Variants in GRM7 observed in about 807,000 individuals in gnomAD.
GRM7 encodes glutamate metabotropic receptor 7.
A neutral mutation model predicts 84.5 loss-of-function variants in GRM7; 35 were observed. The observed-to-expected ratio is 0.41, with a 90% CI of 0.32 to 0.55. GRM7 has a LOEUF of 0.55. Ranked by LOEUF, GRM7 falls within the 20% of genes least tolerant of loss-of-function variation. The probability of loss-of-function intolerance (pLI) is 0.19; values close to 1 mark genes in which losing one functional copy is unlikely to be tolerated. For synonymous variants in GRM7, 487 were observed against 455.1 expected (o/e 1.07, Z -0.89); for missense variants, 1,003 against 1,194.6 (o/e 0.84, Z 2.36).
chr3:7,108,493 ATTTT>A (rs35770215), intron 1 of GRM7, among the ~76,000 whole-genome samples: 1 of 139,970 alleles, frequency 7.1e-6, no homozygotes, highest in African/African-American at 2.6e-5. Context: ...GGACTCAACC[ATTTT>A]TTTTTTTTTT....
chr3:7,058,866 G>A (rs1388108594), intron 1 of GRM7, among the ~76,000 whole-genome samples: 1 of 151,828 alleles, frequency 6.6e-6, no homozygotes, highest in African/African-American at 2.4e-5. Flanking sequence ...GGAGAACAAA[G>A]GAAGGAGGAA....
At chr3:7,614,725 A>T (rs561890414) in intron 8 of GRM7, among the ~76,000 whole-genome samples, 1 of 152,184 alleles carries the variant, frequency 6.6e-6, no homozygotes, top group East Asian at 1.9e-4. Flanking sequence ...ATATACAGGC[A>T]TTCTTGAGTT....
chr3:7,248,165 T>C (rs972276643), intron 2 of GRM7, among the ~76,000 whole-genome samples: 1 of 152,192 alleles, frequency 6.6e-6, no homozygotes, highest in Non-Finnish European at 1.5e-5. Flanking sequence ...AGACTTATAC[T>C]CAATGCTTAT....
intron 1 of GRM7, among the ~76,000 whole-genome samples, chr3:7,105,082 T>C (rs61030022): frequency 0.027 from 4,173 of 151,942 alleles, 191 homozygotes; most frequent in African/African-American, 0.096. Context: ...CCAGTAAATA[T>C]TTACATGTTT....
chr3:7,090,155 T>G (rs1002283748), intron 1 of GRM7, among the ~76,000 whole-genome samples: 13 of 152,092 alleles, frequency 8.5e-5, no homozygotes, highest in Non-Finnish European at 1.9e-4. Context: ...AAATTAATAT[T>G]GAATTAAAAA....
At chr3:7,678,189 A>T (rs962818053) in intron 8 of GRM7, among the ~76,000 whole-genome samples, 5 of 152,194 alleles carry the variant, frequency 3.3e-5, no homozygotes, top group African/African-American at 1.2e-4. Context: ...CCATGTAATA[A>T]ACCTGCACAT....
At chr3:7,338,501 TA>T (rs1701512589) in intron 4 of GRM7, among the ~76,000 whole-genome samples, 2 of 151,902 alleles carry the variant, frequency 1.3e-5, no homozygotes, top group Non-Finnish European at 2.9e-5. Flanking sequence ...GAAATAAAAA[TA>T]AAATAAAAAT....
In GRM7 at chr3:7,493,339, G is replaced by A. The variant is rs141051485; in HGVS notation, c.1515+31617G>A. On this transcript the variant is annotated intron_variant, in intron 7 of 9. Transcript: ENST00000357716. ...TTGGTGTTTATTTCATGTATTCTGA[G>A]GTTCTGTGTTTTAGTGAATACACAT... is the stretch of plus-strand genomic sequence containing the variant. Among the ~76,000 whole-genome samples the A allele has an allele frequency of 5.1e-3, 770 of 151,914 alleles. 5 individuals are homozygous for A. Among genetic ancestry groups the A allele is most frequent in the African/African-American group, 0.017 (723 of 41,480 alleles).
intron 4 of GRM7, among the ~76,000 whole-genome samples, chr3:7,401,580 T>G (rs9838073): frequency 0.019 from 2,931 of 152,074 alleles, 108 homozygotes; most frequent in African/African-American, 0.064. Context: ...CAACACCAAT[T>G]ACCTAGAAAA....
At chr3:7,013,855 T>C (rs2124899585) in intron 1 of GRM7, among the ~76,000 whole-genome samples, 1 of 152,340 alleles carries the variant, frequency 6.6e-6, no homozygotes, top group South Asian at 2.1e-4. Context: ...ATGTCCTATC[T>C]TTTCTCATTT....
At chr3:7,465,503 G>C (rs549958603) in intron 7 of GRM7, among the ~76,000 whole-genome samples, 8 of 152,208 alleles carry the variant, frequency 5.3e-5, no homozygotes, top group African/African-American at 1.9e-4. Context: ...CCACAGCCCA[G>C]TTGCCCTATC....
At chr3:7,064,073 A>T (rs537010203) in intron 1 of GRM7, among the ~76,000 whole-genome samples, 1 of 151,334 alleles carries the variant, frequency 6.6e-6, no homozygotes. Flanking sequence ...TTACTTTATA[A>T]TTTATTTTAT....
In GRM7 at chr3:6,883,225, A is replaced by G. The variant is rs528580655; in HGVS notation, c.519+21318A>G. Among the ~76,000 whole-genome samples the G allele has an allele frequency of 1.2e-4, 18 of 152,026 alleles. No individual in the cohort carries two copies. In the East Asian group the frequency reaches 3.5e-3, roughly 29 times the overall value. The stretch of plus-strand genomic sequence containing the variant: ...GTATTTCTTCTTTTGTGACTTTATG[A>G]CCTTTATGCATTTATTCACATTGAT... On this transcript the variant is annotated intron_variant, in intron 1 of 9. Coordinates refer to ENST00000357716, the MANE Select transcript of GRM7 (RefSeq NM_000844.4).
At chr3:7,538,863 AT>A (rs1240526273) in intron 7 of GRM7, among the ~76,000 whole-genome samples, 5 of 152,212 alleles carry the variant, frequency 3.3e-5, no homozygotes, top group Admixed American at 3.3e-4. Flanking sequence ...AACTTATGTT[AT>A]TAAGCAGGTT....
At chr3:7,656,885 C>T (rs1334622565) in intron 8 of GRM7, among the ~76,000 whole-genome samples, 1 of 152,098 alleles carries the variant, frequency 6.6e-6, no homozygotes, top group Non-Finnish European at 1.5e-5. Flanking sequence ...GGTCATAATT[C>T]CTTAGCAATG....
rs377730447 is a variant in GRM7 at position 6,975,225 on chromosome 3, A to C, written c.519+113318A>C. Among the ~76,000 whole-genome samples the C allele has an allele frequency of 3.3e-5, 5 of 152,310 alleles. No individual in the cohort carries two copies. The East Asian group carries it at 7.7e-4, about 24-fold the overall frequency. On this transcript the variant is annotated intron_variant, in intron 1 of 9. Coordinates refer to ENST00000357716, the MANE Select transcript of GRM7 (RefSeq NM_000844.4). ...ATTCCCAATCGGATAATGAGGTCTT[A>C]GAAGAGGAACTTGGGGTTAAAGAAG...
intron 4 of GRM7, among the ~76,000 whole-genome samples, chr3:7,393,512 A>C (rs949577094): frequency 1.3e-5 from 2 of 151,948 alleles, no homozygotes; most frequent in African/African-American, 2.4e-5. Flanking sequence ...GCTACCTGGA[A>C]CCTCTCCTTA....
chr3:7,438,464 T>G (rs573227757), intron 5 of GRM7, among the ~76,000 whole-genome samples: 33 of 152,096 alleles, frequency 2.2e-4, no homozygotes, highest in African/African-American at 7.9e-4. Flanking sequence ...AGGAATTACT[T>G]AAACAGAATC....
chr3:7,456,600 T>C (rs1465381931), intron 6 of GRM7, among the ~76,000 whole-genome samples: 1 of 151,942 alleles, frequency 6.6e-6, no homozygotes, highest in Non-Finnish European at 1.5e-5. Context: ...ATTCTTCAAG[T>C]TGCTGAGAGG....
Sources: gnomAD v4.1 joint callset for allele counts (sites outside exome capture counted in the v4.1 genomes callset) on GRCh38, gnomAD v4.1.1 for gene constraint, MANE v1.5 for transcripts, NCBI Gene and HGNC (gene_info 2026-07-23, HGNC 2026-07-21) for gene names.